The following UGGT2 variants were observed in gnomAD, a reference collection of about 807,000 sequenced individuals.
UGGT2 encodes the protein UDP-glucose glycoprotein glucosyltransferase 2.
UGGT2 carries 180 observed loss-of-function variants against 192.1 expected under a neutral mutation model. The observed-to-expected ratio is 0.94, with a 90% CI of 0.83 to 1.06. The LOEUF is 1.06. UGGT2 is among the 50% of genes least tolerant of loss of function. UGGT2 has a pLI of 0.00. For missense variants in UGGT2, 1,849 were observed against 1,795.7 expected, an observed-to-expected ratio of 1.03 and a Z score of -0.54; for synonymous variants, 580 against 591.0, an observed-to-expected ratio of 0.98 and a Z score of 0.27.
At chr13:95,934,428 G>A (rs60431735) in intron 17 of UGGT2, among the ~76,000 whole-genome samples, 2,565 of 152,254 alleles carry the variant, frequency 0.017, 73 homozygotes, top group African/African-American at 0.059. Context: ...TTTCTGCCTC[G>A]ATAATCTGTC....
At chr13:95,944,972 T>C (rs375899638) in intron 15 of UGGT2, among the ~76,000 whole-genome samples, 30 of 151,974 alleles carry the variant, frequency 2.0e-4, no homozygotes, top group African/African-American at 7.2e-4. Context: ...ATTTTGAAGC[T>C]ACATACAACT....
At chr13:96,032,042 C>A in intron 1 of UGGT2, 71 bp from the exon 2 acceptor site, 1 of 1,082,232 alleles carries the variant, frequency 9.2e-7, no homozygotes, top group Non-Finnish European at 1.3e-6. Context: ...AAACTGTACT[C>A]AAGAACCAAA....
At chr13:96,016,789 G>A (rs2052352625) in intron 4 of UGGT2, among the ~76,000 whole-genome samples, 1 of 152,220 alleles carries the variant, frequency 6.6e-6, no homozygotes, top group African/African-American at 2.4e-5. Context: ...TGGAGGGGGG[G>A]CTGCAACCCT....
At chr13:95,928,723 G>A (rs768668144) in intron 17 of UGGT2, among the ~76,000 whole-genome samples, 17 of 152,100 alleles carry the variant, frequency 1.1e-4, no homozygotes, top group Non-Finnish European at 1.9e-4. Context: ...GGGCGGCTGG[G>A]CAGAGGGGCT....
At chr13:95,951,452 CA>C (rs2050058832) in intron 12 of UGGT2, among the ~76,000 whole-genome samples, 1 of 152,182 alleles carries the variant, frequency 6.6e-6, no homozygotes, top group Non-Finnish European at 1.5e-5. Flanking sequence ...TATCTTGACC[CA>C]AAGGCAGCTG....
chr13:96,034,235 T>G (rs2139169975), intron 1 of UGGT2, among the ~76,000 whole-genome samples: 1 of 152,106 alleles, frequency 6.6e-6, no homozygotes, highest in East Asian at 1.9e-4. Flanking sequence ...CCATTTCTCC[T>G]CTCAGCTGAG....
chr13:95,957,396 C>T (rs375514960), intron 12 of UGGT2, among the ~76,000 whole-genome samples: 1 of 152,158 alleles, frequency 6.6e-6, no homozygotes, highest in East Asian at 1.9e-4. Flanking sequence ...GTTCCAAAAC[C>T]AGCTATACTC....
intron 20 of UGGT2, among the ~76,000 whole-genome samples, chr13:95,911,916 G>A (rs955815038): frequency 6.6e-6 from 1 of 151,114 alleles, no homozygotes; most frequent in African/African-American, 2.5e-5. Flanking sequence ...TCCCTGGGAT[G>A]CAAGACTGGT....
At chr13:95,855,114 A>T (rs1265230887) in intron 34 of UGGT2, among the ~76,000 whole-genome samples, 1 of 145,710 alleles carries the variant, frequency 6.9e-6, no homozygotes, top group African/African-American at 2.5e-5. Context: ...TGTAAAAAAA[A>T]AAAAAAAAAA....
chr13:95,948,801 A>G (rs1470780582), intron 13 of UGGT2, among the ~76,000 whole-genome samples: 1 of 152,234 alleles, frequency 6.6e-6, no homozygotes, highest in African/African-American at 2.4e-5. Context: ...CATGTGACTA[A>G]TATGGTTTGG....
In UGGT2 at chr13:95,985,600, G is replaced by GC. The variant is rs2051265638; in HGVS notation, c.1031+732dup. On this transcript the variant is annotated intron_variant, in intron 9 of 38. Transcript: ENST00000376747. ...TCAGTAAAACACCATTGTTGCCCAT[G>GC]CACTGCGACTTGTCACATATTTTAT... 4.6e-5 allele frequency among the ~76,000 whole-genome samples: 7 copies of GC among 152,230 alleles called. No homozygotes were observed. In the South Asian group the frequency reaches 1.5e-3, roughly 32 times the overall value.
intron 38 of UGGT2, among the ~76,000 whole-genome samples, chr13:95,832,020 GA>G (rs1886753116): frequency 7.0e-6 from 1 of 143,794 alleles, no homozygotes; most frequent in Non-Finnish European, 1.5e-5. Flanking sequence ...AACACACCAA[GA>G]AAACTTTTTT....
chr13:95,932,465 T>G (rs1001034827), intron 17 of UGGT2, among the ~76,000 whole-genome samples: 2 of 152,164 alleles, frequency 1.3e-5, no homozygotes, highest in African/African-American at 4.8e-5. Context: ...GAAACTTTAC[T>G]TAAGTAATTT....
chr13:95,867,089 C>T (rs1389026332), intron 30 of UGGT2, among the ~76,000 whole-genome samples: 1 of 151,868 alleles, frequency 6.6e-6, no homozygotes, highest in East Asian at 1.9e-4. Context: ...TGTTATTTGG[C>T]TACAGATAGA....
chr13:95,888,005 A>T, intron 25 of UGGT2, 34 bp from the exon 26 acceptor site: 3 of 1,331,188 alleles, frequency 2.3e-6, no homozygotes, highest in Non-Finnish European at 3.2e-6. Context: ...TTGATATTAA[A>T]TAATATTAAT....
chr13:95,880,181 G>T (rs929101035), intron 27 of UGGT2, among the ~76,000 whole-genome samples: 10 of 151,980 alleles, frequency 6.6e-5, no homozygotes, highest in Non-Finnish European at 1.2e-4. Flanking sequence ...TTTAAGAAAA[G>T]GCTAAGTTTA....
intron 10 of UGGT2, among the ~76,000 whole-genome samples, chr13:95,975,771 A>T (rs892160022): frequency 6.6e-6 from 1 of 152,172 alleles, no homozygotes; most frequent in Non-Finnish European, 1.5e-5. Flanking sequence ...GGGTGTTCCT[A>T]AGGTGAAATG....
At chr13:95,851,447 G>T (rs191908531) in intron 36 of UGGT2, among the ~76,000 whole-genome samples, 2 of 152,284 alleles carry the variant, frequency 1.3e-5, no homozygotes, top group African/African-American at 4.8e-5. Context: ...TCAAGGCAGA[G>T]ATGTAGAGAA....
chr13:95,814,015 C>T (rs1264118597), intron 38 of UGGT2, among the ~76,000 whole-genome samples: 3 of 152,158 alleles, frequency 2.0e-5, no homozygotes, highest in Admixed American at 6.5e-5. Flanking sequence ...TGGCAGCCAT[C>T]GTCTAGATTT....
Sources: gnomAD v4.1 joint callset for allele counts (sites outside exome capture counted in the v4.1 genomes callset) on GRCh38, gnomAD v4.1.1 for gene constraint, MANE v1.5 for transcripts, NCBI Gene and HGNC (gene_info 2026-07-23, HGNC 2026-07-21) for gene names.